Variants in PELI2 observed in about 807,000 individuals in gnomAD.
PELI2 encodes the protein E3 ubiquitin-protein ligase pellino homolog 2.
Under a neutral mutation model 42.3 loss-of-function variants are expected in PELI2, and 23 were observed. The observed-to-expected ratio is 0.54, with a 90% CI of 0.39 to 0.77. The LOEUF is 0.77. Among genes scored for constraint, PELI2 ranks in the 30% least tolerant of loss-of-function variants. The probability of loss-of-function intolerance (pLI) is 0.00; values close to 1 mark genes in which losing one functional copy is unlikely to be tolerated. For missense variants in PELI2, 463 were observed against 553.2 expected (o/e 0.84, Z 1.64); for synonymous variants, 245 against 212.2 (o/e 1.15, Z -1.34).
chr14:56,291,121 G>C (rs1286907244), intron 5 of PELI2, among the ~76,000 whole-genome samples: 1 of 152,132 alleles, frequency 6.6e-6, no homozygotes, highest in Non-Finnish European at 1.5e-5. Flanking sequence ...TTCTGATCTT[G>C]CCATAGCCAT....
intron 1 of PELI2, among the ~76,000 whole-genome samples, chr14:56,150,480 T>C (rs184918043): frequency 1.7e-4 from 26 of 152,322 alleles, no homozygotes; most frequent in African/African-American, 6.0e-4. Context: ...ATTTTTTTTT[T>C]CAGGCTAGCC....
chr14:56,256,845 A>C (rs1042646337), intron 2 of PELI2, among the ~76,000 whole-genome samples: 1 of 152,122 alleles, frequency 6.6e-6, no homozygotes, highest in Non-Finnish European at 1.5e-5. Context: ...GCTTTTTAGA[A>C]TGTATGTAGG....
At chr14:56,157,064 C>G (rs997451986) in intron 1 of PELI2, among the ~76,000 whole-genome samples, 4 of 152,160 alleles carry the variant, frequency 2.6e-5, no homozygotes, top group African/African-American at 7.2e-5. Context: ...TGATAATTGC[C>G]AAGTTATTGT....
chr14:56,217,877 G>A (rs1886969749), intron 2 of PELI2, among the ~76,000 whole-genome samples: 1 of 152,116 alleles, frequency 6.6e-6, no homozygotes, highest in Non-Finnish European at 1.5e-5. Context: ...AGCAAATACT[G>A]TTTAGTCAGG....
intron 1 of PELI2, among the ~76,000 whole-genome samples, chr14:56,174,872 C>T (rs7156562): frequency 0.4 from 60,729 of 152,056 alleles, 12,951 homozygotes; most frequent in South Asian, 0.53. Flanking sequence ...ACCTTTTACC[C>T]TCCTTTCCCA....
chr14:56,204,785 A>C (rs1024266368), intron 2 of PELI2, among the ~76,000 whole-genome samples: 18 of 152,094 alleles, frequency 1.2e-4, no homozygotes, highest in African/African-American at 4.3e-4. Flanking sequence ...TATTAATCCC[A>C]GCACTTTGAG....
intron 1 of PELI2, among the ~76,000 whole-genome samples, chr14:56,161,407 T>C (rs971998909): frequency 4.6e-5 from 7 of 151,980 alleles, no homozygotes; most frequent in Admixed American, 1.3e-4. Flanking sequence ...CCCAAGTAGC[T>C]GGGACTACAG....
At position 56,290,476 on chromosome 14, in the gene PELI2, C is replaced by A; in HGVS notation, c.696+20C>A. 6.5e-7 allele frequency: 1 copy of A among 1,541,000 alleles called. No homozygotes were observed. Among genetic ancestry groups the A allele is most frequent in the Non-Finnish European group, 8.8e-7 (1 of 1,131,984 alleles). On this transcript the variant is annotated intron_variant, in intron 5 of 5. Coordinates refer to ENST00000267460, the MANE Select transcript of PELI2 (RefSeq NM_021255.3). ...AAGCTGGTGAGTGTGCTTCACTCTGCAAGTGTGAAGTACGAAACTACTCAA... is the reference window on the plus strand; with the variant it reads ...AAGCTGGTGAGTGTGCTTCACTCTGAAAGTGTGAAGTACGAAACTACTCAA...
chr14:56,120,826 T>G (rs1338475949), intron 1 of PELI2, among the ~76,000 whole-genome samples: 2 of 152,080 alleles, frequency 1.3e-5, no homozygotes, highest in African/African-American at 2.4e-5. Flanking sequence ...GGCTGGAAGG[T>G]GAGGGAAGTT....
At chr14:56,280,759 G>C (rs558928561) in intron 3 of PELI2, among the ~76,000 whole-genome samples, 15 of 152,028 alleles carry the variant, frequency 9.9e-5, no homozygotes, top group Non-Finnish European at 2.2e-4. Flanking sequence ...TTTACCCTAC[G>C]CATTTTCACT....
intron 1 of PELI2, among the ~76,000 whole-genome samples, chr14:56,139,787 C>T (rs545555757): frequency 6.6e-6 from 1 of 151,938 alleles, no homozygotes; most frequent in Non-Finnish European, 1.5e-5. Context: ...GAAGTCCTCA[C>T]AGTAATCATG....
chr14:56,132,478 G>A (rs755130223), intron 1 of PELI2, among the ~76,000 whole-genome samples: 4 of 152,174 alleles, frequency 2.6e-5, no homozygotes, highest in Admixed American at 6.5e-5. Flanking sequence ...GACTCCTGTC[G>A]TGGGGTGGAT....
chr14:56,251,365 T>G (rs1888337498), intron 2 of PELI2, among the ~76,000 whole-genome samples: 1 of 152,230 alleles, frequency 6.6e-6, no homozygotes, highest in Admixed American at 6.5e-5. Context: ...ATTTTCTTAT[T>G]TTATTTTATC....
Position 56,197,772 on chromosome 14 carries a change from A to G in PELI2, c.207+19308A>G, listed in dbSNP as rs114683849. Reference sequence around the variant, plus strand: ...GTAAAAGCTTGCATAGAACGAAAAGATTAACCCAATCCAAGCAAGAGGGAA... The same window carrying G: ...GTAAAAGCTTGCATAGAACGAAAAGGTTAACCCAATCCAAGCAAGAGGGAA... On this transcript the variant is annotated intron_variant, in intron 2 of 5. Coordinates refer to ENST00000267460, the MANE Select transcript of PELI2 (RefSeq NM_021255.3). This position sits in a 1 kb window ranked among gnomAD's most constrained non-coding sequence, Gnocchi z 4.9. 6.3e-3 allele frequency among the ~76,000 whole-genome samples: 966 copies of G among 152,254 alleles called. 12 individuals are homozygous for G. The highest frequency in any genetic ancestry group is 0.022 in the African/African-American group (926 of 41,538).
intron 1 of PELI2, among the ~76,000 whole-genome samples, chr14:56,121,638 TG>T (rs1883062256): frequency 6.6e-6 from 1 of 152,190 alleles, no homozygotes; most frequent in Admixed American, 6.5e-5. Flanking sequence ...AGAGGCAGTT[TG>T]GTATAGTGGG....
intron 2 of PELI2, among the ~76,000 whole-genome samples, chr14:56,185,224 A>T (rs933883649): frequency 1.3e-5 from 2 of 152,120 alleles, no homozygotes; most frequent in African/African-American, 4.8e-5. Context: ...ATTAATTTTG[A>T]CTAATCAGTA....
intron 1 of PELI2, among the ~76,000 whole-genome samples, chr14:56,168,748 G>C (rs978001704): frequency 6.7e-6 from 1 of 149,756 alleles, no homozygotes; most frequent in Non-Finnish European, 1.5e-5. Context: ...AAGGAGTTTT[G>C]CCCCATAGCT....
At chr14:56,248,928 C>T (rs1029862334) in intron 2 of PELI2, among the ~76,000 whole-genome samples, 2 of 152,128 alleles carry the variant, frequency 1.3e-5, no homozygotes, top group Non-Finnish European at 2.9e-5. Context: ...CTCAGGGAAG[C>T]AGGGTTAATG....
At chr14:56,250,366 T>A (rs910721833) in intron 2 of PELI2, among the ~76,000 whole-genome samples, 2 of 152,054 alleles carry the variant, frequency 1.3e-5, no homozygotes, top group East Asian at 3.9e-4. Flanking sequence ...ATAGGATAGA[T>A]GAATAGATGA....
Sources: gnomAD v4.1 joint callset for allele counts (sites outside exome capture counted in the v4.1 genomes callset) on GRCh38, gnomAD v4.1.1 for gene constraint, Gnocchi (gnomAD v3.1) non-coding constraint, MANE v1.5 for transcripts, NCBI Gene and HGNC (gene_info 2026-07-23, HGNC 2026-07-21) for gene names.